NSUN3: variants seen among roughly 807,000 people sequenced by gnomAD.
NSUN3 encodes the protein tRNA (cytosine(34)-C(5))-methyltransferase, mitochondrial.
In NSUN3, 24 loss-of-function variants were observed where a neutral mutation model predicts 36.8. The ratio of observed to expected loss-of-function variants is 0.65; its 90% CI spans 0.47 to 0.92. The LOEUF (loss-of-function observed/expected upper bound fraction) is 0.92, where lower values mean the gene tolerates loss of function less well. Ranked by LOEUF, NSUN3 falls within the 40% of genes least tolerant of loss-of-function variation. The pLI is 0.00. For missense variants in NSUN3, 381 were observed against 392.8 expected (o/e 0.97, Z 0.25); for synonymous variants, 146 against 145.2 (o/e 1.01, Z -0.04).
intron 5 of NSUN3, among the ~76,000 whole-genome samples, chr3:94,121,887 G>A (rs1051189174): frequency 1.3e-5 from 2 of 152,194 alleles, no homozygotes; most frequent in Non-Finnish European, 2.9e-5. Context: ...GCTCATGCCT[G>A]TAGTCCCAGC....
At chr3:94,076,381 G>T in intron 2 of NSUN3, 2 of 807,842 alleles carry the variant, frequency 2.5e-6, no homozygotes, top group Non-Finnish European at 2.3e-6. Flanking sequence ...CAACTGAGTG[G>T]CTTGGTTTGG....
Position 94,127,438 on chromosome 3 carries a change from T to C in NSUN3, c.*948T>C, listed in dbSNP as rs2077492037. On this transcript the variant is annotated 3_prime_UTR_variant, in exon 6 of 6. Coordinates refer to ENST00000314622, the MANE Select transcript of NSUN3 (RefSeq NM_022072.5). ...CACATATTAATGCACAAGAGGGAGA[T>C]GCCTAATGAGAGTGGACTGTGTGAT... is the stretch of plus-strand genomic sequence containing the variant. 1 of 152,162 alleles carries C rather than the reference T, an allele frequency of 6.6e-6. No homozygotes were observed. Among genetic ancestry groups the C allele is most frequent in the African/African-American group, 2.4e-5 (1 of 41,446 alleles). The allele number at this position is 152,162 out of a possible 1,614,324, so 9.4% of individuals were successfully genotyped here.
chr3:94,112,120 C>T (rs1305941084), intron 5 of NSUN3, among the ~76,000 whole-genome samples: 1 of 152,134 alleles, frequency 6.6e-6, no homozygotes, highest in African/African-American at 2.4e-5. Context: ...TTGTTCTATT[C>T]AGTTCTTCAA....
intron 5 of NSUN3, among the ~76,000 whole-genome samples, chr3:94,109,096 T>C (rs1400178005): frequency 1.3e-5 from 2 of 152,204 alleles, no homozygotes; most frequent in African/African-American, 4.8e-5. Flanking sequence ...AAAAACAGAA[T>C]AGGGAGAAAT....
chr3:94,110,814 A>ATG (rs1480473223), intron 5 of NSUN3, among the ~76,000 whole-genome samples: 14 of 151,366 alleles, frequency 9.2e-5, no homozygotes, highest in African/African-American at 3.2e-4. Flanking sequence ...ATATATACAT[A>ATG]TATGTGTGTG....
At chr3:94,079,658 C>A (rs1233027843) in intron 2 of NSUN3, among the ~76,000 whole-genome samples, 1 of 152,032 alleles carries the variant, frequency 6.6e-6, no homozygotes, top group Non-Finnish European at 1.5e-5. Context: ...CTTGTCTTCT[C>A]ACTTTATTTC....
At chr3:94,104,150 T>A (rs956111914) in intron 5 of NSUN3, among the ~76,000 whole-genome samples, 2 of 152,144 alleles carry the variant, frequency 1.3e-5, no homozygotes, top group Non-Finnish European at 2.9e-5. Context: ...TCATAAGGTA[T>A]GTTGTGACAT....
At chr3:94,114,104 G>T (rs114383547) in intron 5 of NSUN3, among the ~76,000 whole-genome samples, 2,001 of 152,258 alleles carry the variant, frequency 0.013, 21 homozygotes, top group Middle Eastern at 0.034. Flanking sequence ...TGTTAAAAGT[G>T]CCTGGAGGTA....
intron 5 of NSUN3, among the ~76,000 whole-genome samples, chr3:94,110,816 ATGTG>A (rs541709907): frequency 2.3e-4 from 33 of 146,408 alleles, no homozygotes; most frequent in African/African-American, 4.7e-4. Context: ...ATATACATAT[ATGTG>A]TGTGTGTGTG....
chr3:94,125,362 A>G (rs1258737990), intron 5 of NSUN3, among the ~76,000 whole-genome samples: 3 of 152,212 alleles, frequency 2.0e-5, no homozygotes, highest in Admixed American at 1.3e-4. Flanking sequence ...TTATCTGGTG[A>G]TACAACTTTC....
chr3:94,082,693 ATAAAT>A (rs1033267521), intron 2 of NSUN3, among the ~76,000 whole-genome samples: 6 of 152,180 alleles, frequency 3.9e-5, no homozygotes, highest in African/African-American at 1.2e-4. Flanking sequence ...CGGCTAGTAA[ATAAAT>A]TAAATATTTC....
At chr3:94,085,334 A>T (rs1160373523) in intron 3 of NSUN3, 1 of 152,196 alleles carries the variant, frequency 6.6e-6, no homozygotes, top group Non-Finnish European at 1.5e-5. Context: ...TTTTTAAAAA[A>T]CTGATACAGG....
chr3:94,067,174 CT>C (rs1213568228), intron 2 of NSUN3, among the ~76,000 whole-genome samples: 1 of 152,256 alleles, frequency 6.6e-6, no homozygotes, highest in African/African-American at 2.4e-5. Flanking sequence ...GATACCAAGG[CT>C]TTGGTGAGTG....
At chr3:94,097,753 G>C (rs2077349259) in intron 5 of NSUN3, among the ~76,000 whole-genome samples, 1 of 152,010 alleles carries the variant, frequency 6.6e-6, no homozygotes, top group Non-Finnish European at 1.5e-5. Context: ...AGGCTTTCCT[G>C]GTTCTCCCTA....
At chr3:94,070,097 G>C (rs1339211742) in intron 2 of NSUN3, among the ~76,000 whole-genome samples, 1 of 151,938 alleles carries the variant, frequency 6.6e-6, no homozygotes, top group Non-Finnish European at 1.5e-5. Context: ...TCAGTAAATA[G>C]ATGTGCCTAG....
At chr3:94,112,185 A>G (rs1452251235) in intron 5 of NSUN3, among the ~76,000 whole-genome samples, 1 of 152,210 alleles carries the variant, frequency 6.6e-6, no homozygotes, top group East Asian at 1.9e-4. Context: ...CAGTCTAACA[A>G]TTCAGATGTT....
chr3:94,120,475 G>T lies in NSUN3; in HGVS notation c.744-5736G>T, dbSNP rs543315417. ...CCACCATTCTACTTTCTGTCTCTAT[G>T]AATTTGACTATTCTAGATGCCTCAT... On this transcript the variant is annotated intron_variant, in intron 5 of 5. Coordinates refer to ENST00000314622, the MANE Select transcript of NSUN3 (RefSeq NM_022072.5). 2.6e-5 allele frequency among the ~76,000 whole-genome samples: 4 copies of T among 152,184 alleles called. No individual in the cohort carries two copies. In the South Asian group the frequency reaches 8.3e-4, roughly 32 times the overall value.
At chr3:94,065,478 C>G (rs994491931) in intron 2 of NSUN3, among the ~76,000 whole-genome samples, 7 of 152,224 alleles carry the variant, frequency 4.6e-5, no homozygotes, top group African/African-American at 1.7e-4. Context: ...TGCATGGCTA[C>G]AGATATTATC....
At chr3:94,102,528 C>T (rs1168839160) in intron 5 of NSUN3, among the ~76,000 whole-genome samples, 1 of 152,160 alleles carries the variant, frequency 6.6e-6, no homozygotes, top group Non-Finnish European at 1.5e-5. Flanking sequence ...ACTACAATTA[C>T]TACTAATAAT....
Sources: allele counts gnomAD v4.1 joint callset (sites outside exome capture counted in the v4.1 genomes callset), GRCh38; gene constraint gnomAD v4.1.1; transcripts MANE v1.5; gene names NCBI Gene and HGNC (gene_info 2026-07-23, HGNC 2026-07-21).